The following PTBP3 variants were observed in gnomAD, a reference collection of about 807,000 sequenced individuals.
The protein encoded by PTBP3 is polypyrimidine tract-binding protein 3.
In PTBP3, 20 loss-of-function variants were observed where a neutral mutation model predicts 58.7. The ratio of observed to expected loss-of-function variants is 0.34; its 90% CI spans 0.24 to 0.50. The LOEUF (loss-of-function observed/expected upper bound fraction) is 0.50, where lower values mean the gene tolerates loss of function less well. PTBP3 is among the 20% of genes least tolerant of loss of function. The probability of loss-of-function intolerance (pLI) is 0.98; values close to 1 mark genes in which losing one functional copy is unlikely to be tolerated. For synonymous variants in PTBP3, 185 were observed against 219.8 expected, an observed-to-expected ratio of 0.84 and a Z score of 1.40; for missense variants, 509 against 637.2, an observed-to-expected ratio of 0.80 and a Z score of 2.17.
intron 1 of PTBP3, among the ~76,000 whole-genome samples, chr9:112,322,734 A>G (rs1052495721): frequency 6.6e-6 from 1 of 152,274 alleles, no homozygotes; most frequent in African/African-American, 2.4e-5. Flanking sequence ...CAAACAGGAC[A>G]CAGATTTTGG....
intron 7 of PTBP3, among the ~76,000 whole-genome samples, chr9:112,238,672 C>T (rs1279225280): frequency 6.7e-6 from 1 of 149,456 alleles, no homozygotes; most frequent in Non-Finnish European, 1.5e-5. Flanking sequence ...CCCTAAAGAA[C>T]AGCCAGAAAA....
chr9:112,219,296 A>T lies in PTBP3; in HGVS notation c.*4555T>A, dbSNP rs1834726356. The T allele has an allele frequency of 6.6e-6, 1 of 152,532 alleles. No individual in the cohort carries two copies. Among genetic ancestry groups the T allele is most frequent in the Admixed American group, 6.5e-5 (1 of 15,272 alleles). 9.4% of individuals were successfully genotyped at this position (152,532 alleles called of 1,614,324 possible). On this transcript the variant is annotated 3_prime_UTR_variant, in exon 14 of 14. Transcript: ENST00000374257. ...GATCTGGGAAACAACAGTAAGGGGG[A>T]AAAAAGGCCAGAGTATGATTTTTTT...
chr9:112,275,238 C>G (rs1021236145), intron 3 of PTBP3, among the ~76,000 whole-genome samples: 2 of 151,944 alleles, frequency 1.3e-5, no homozygotes, highest in Non-Finnish European at 2.9e-5. Context: ...CAGGTTCAAG[C>G]GATTCTCCTG....
At chr9:112,335,304 G>C (rs1469830177), upstream of PTBP3, among the ~76,000 whole-genome samples, 1 of 150,386 alleles carries the variant, frequency 6.6e-6, no homozygotes, top group Non-Finnish European at 1.5e-5. Flanking sequence ...TTTTTGTTTT[G>C]AGACGGAGTC....
At chr9:112,320,291 A>AATATATATATAT (rs1288195199) in intron 1 of PTBP3, among the ~76,000 whole-genome samples, 11 of 73,520 alleles carry the variant, frequency 1.5e-4, no homozygotes, top group African/African-American at 7.2e-4. Context: ...AAAAAAAAAA[A>AATATATATATAT]ATATATATAT....
chr9:112,278,387 C>T (rs1234757163), intron 2 of PTBP3, among the ~76,000 whole-genome samples: 2 of 152,132 alleles, frequency 1.3e-5, no homozygotes, highest in African/African-American at 2.4e-5. Flanking sequence ...CCACCACCAA[C>T]GTGGCCTTGC....
the PTBP3 span, among the ~76,000 whole-genome samples, chr9:112,366,579 G>C: frequency 9.8e-3 from 1,489 of 152,260 alleles, 18 homozygotes; most frequent in African/African-American, 0.033. Context: ...GAGCCTGCAA[G>C]TTCACAGAAG....
intron 4 of PTBP3, among the ~76,000 whole-genome samples, chr9:112,263,514 A>C (rs1339782683): frequency 6.6e-6 from 1 of 152,256 alleles, no homozygotes; most frequent in Admixed American, 6.5e-5. Flanking sequence ...GAATTGAATC[A>C]CAAGGAAACA....
At chr9:112,297,218 T>G (rs934512697) in intron 2 of PTBP3, among the ~76,000 whole-genome samples, 2 of 152,188 alleles carry the variant, frequency 1.3e-5, no homozygotes, top group Non-Finnish European at 2.9e-5. Context: ...TTGTTTTTTG[T>G]TTTTGAGATG....
In PTBP3 at chr9:112,325,216, T is replaced by C. The variant is rs140313741; in HGVS notation, c.-52+8254A>G. On this transcript the variant is annotated intron_variant, in intron 1 of 13. Transcript: ENST00000374257. ...AACCTTCGACCTGCCCAGGTCATCATGCACAGGAGGCTTGCCTAAATACGC... is the reference window on the plus strand; with the variant it reads ...AACCTTCGACCTGCCCAGGTCATCACGCACAGGAGGCTTGCCTAAATACGC... Among the ~76,000 whole-genome samples the C allele has an allele frequency of 8.8e-4, 134 of 152,344 alleles. 2 individuals carry two copies. Among genetic ancestry groups the C allele is most frequent in the African/African-American group, 3.1e-3 (128 of 41,572 alleles).
chr9:112,300,084 G>T (rs1538769), intron 1 of PTBP3, among the ~76,000 whole-genome samples: 127,950 of 152,224 alleles, frequency 0.84, 54,059 homozygotes, highest in African/African-American at 0.92. Context: ...TTAAAAAGAT[G>T]GACAATATCA....
rs1043479021 is a variant in PTBP3, at chr9:112,232,170, T to G, written c.949A>C (p.Arg317=). ...LTITSSAVTG[R]MAIPGASGIP... is the part of the protein sequence containing the mutation. ...CCACTAGCCCCAGGAATGGCCATCC[T>G]TCCAGTGACAGCAGAAGAGGTGATT... The change falls in exon 9 of 14, where the codon AGG becomes CGG. Residue 317 remains arginine, a synonymous_variant. Transcript: ENST00000374257. The G allele has an allele frequency of 1.2e-6, 2 of 1,612,622 alleles. No homozygotes were observed. The highest frequency in any genetic ancestry group is 2.7e-5 in the African/African-American group (2 of 74,846).
At chr9:112,355,943 T>TTTCTTTCTC in the PTBP3 span, among the ~76,000 whole-genome samples, 1 of 151,374 alleles carries the variant, frequency 6.6e-6, no homozygotes, top group Admixed American at 6.6e-5. Flanking sequence ...TTTCTTTTCT[T>TTTCTTTCTC]TTCTTTCTTT....
intron 4 of PTBP3, among the ~76,000 whole-genome samples, chr9:112,267,044 T>C (rs1363014426): frequency 6.6e-6 from 1 of 152,158 alleles, no homozygotes. Flanking sequence ...AAAACAAATC[T>C]CACCAGCTAA....
At position 112,220,311 on chromosome 9, in the gene PTBP3, A is replaced by G. The variant is rs949612236; in HGVS notation, c.*3540T>C. On this transcript the variant is annotated 3_prime_UTR_variant, in exon 14 of 14. Transcript: ENST00000374257. ...CCAGGCGTGGTGGCTCATGCCTGTA[A>G]TCCCAGCACTGTGGGGAGGTGGAAG... The G allele has an allele frequency of 2.3e-6, 3 of 1,309,178 alleles. No homozygotes were observed. In the African/African-American group the frequency reaches 4.5e-5, roughly 20 times the overall value. 81.1% of individuals were successfully genotyped at this position (1,309,178 alleles called of 1,614,324 possible). A position where few individuals can be genotyped will look rare whatever the true frequency, so the allele number is the denominator to read the frequency against.
chr9:112,258,940 C>T (rs189709908), intron 5 of PTBP3, among the ~76,000 whole-genome samples: 142 of 152,208 alleles, frequency 9.3e-4, no homozygotes, highest in African/African-American at 3.3e-3. Flanking sequence ...TCCACTTAAC[C>T]CTATACAGCT....
At chr9:112,257,325 C>T (rs1237823621) in intron 5 of PTBP3, among the ~76,000 whole-genome samples, 1 of 152,086 alleles carries the variant, frequency 6.6e-6, no homozygotes. Flanking sequence ...TTTTAACACC[C>T]TTTCATAATT....
At chr9:112,240,645 CTTG>C (rs1835619807) in intron 7 of PTBP3, among the ~76,000 whole-genome samples, 1 of 83,044 alleles carries the variant, frequency 1.2e-5, no homozygotes. Flanking sequence ...TGTACTCCTA[CTTG>C]TTTTTTTTTT....
intron 2 of PTBP3, among the ~76,000 whole-genome samples, chr9:112,284,186 G>T (rs1828003612): frequency 6.6e-6 from 1 of 152,198 alleles, no homozygotes; most frequent in South Asian, 2.1e-4. Context: ...CTGTCCTCCA[G>T]ATCTCAGAAT....
Sources: allele counts gnomAD v4.1 joint callset (sites outside exome capture counted in the v4.1 genomes callset), GRCh38; gene constraint gnomAD v4.1.1; transcripts MANE v1.5; gene names NCBI Gene and HGNC (gene_info 2026-07-23, HGNC 2026-07-21).